The following MASP1 variants were observed in gnomAD, a reference collection of about 807,000 sequenced individuals.
MASP1 encodes MBL associated serine protease 1.
Under a neutral mutation model 77.1 loss-of-function variants are expected in MASP1, and 59 were observed. That is an observed-to-expected ratio of 0.77 (90% confidence interval 0.62 to 0.95). MASP1 has a LOEUF of 0.95. Among genes scored for constraint, MASP1 ranks in the 40% least tolerant of loss-of-function variants. The pLI is 0.00. For missense variants in MASP1, 885 were observed against 912.9 expected (o/e 0.97, Z 0.39); for synonymous variants, 362 against 354.5 (o/e 1.02, Z -0.24).
chr3:187,277,936 T>C (rs1426940034), intron 2 of MASP1, among the ~76,000 whole-genome samples: 1 of 152,200 alleles, frequency 6.6e-6, no homozygotes, highest in Non-Finnish European at 1.5e-5. Flanking sequence ...AGGTCATACA[T>C]AGGCAGTCAG....
exon 16 of MASP1, chr3:187,219,217 A>C (rs892662062): frequency 6.6e-6 from 1 of 152,180 alleles, no homozygotes; most frequent in African/African-American, 2.4e-5. Context: ...TCATCTTATC[A>C]GGGGGAAAAT....
chr3:187,249,778 C>T (rs768461057), intron 8 of MASP1, among the ~76,000 whole-genome samples: 15 of 152,230 alleles, frequency 9.9e-5, no homozygotes, highest in Non-Finnish European at 1.5e-4. Flanking sequence ...TCCTCTGCTT[C>T]ATGCAGGCCC....
At chr3:187,265,812 CCAAA>C (rs1328942524) in intron 2 of MASP1, among the ~76,000 whole-genome samples, 1 of 152,152 alleles carries the variant, frequency 6.6e-6, no homozygotes, top group Admixed American at 6.5e-5. Flanking sequence ...AGACACTTGG[CCAAA>C]CAATTTTCCT....
At position 187,262,548 on chromosome 3, in the gene MASP1, G is replaced by A; in HGVS notation, c.410C>T (p.Ala137Val). 1 of 1,614,042 alleles carries A rather than the reference G, an allele frequency of 6.2e-7. No individual in the cohort carries two copies. The highest frequency in any genetic ancestry group is 8.5e-7 in the Non-Finnish European group (1 of 1,179,976). Residue 137 changes from alanine to valine, a missense_variant, in exon 3 of 11, where the codon GCT becomes GTT. Physicochemically the swap from Ala to Val is moderately conservative, Grantham distance 64. Transcript: ENST00000296280. The part of the protein sequence containing the change: ...RFTGFDAHYM[A>V]VDVDECKERE... ...GAGTCACTTCTCCAACTTACCCACA[G>A]CCATGTAGTGGGCATCAAAGCCTGT...
At chr3:187,237,958 G>A (rs1713314512) in intron 10 of MASP1, among the ~76,000 whole-genome samples, 1 of 152,058 alleles carries the variant, frequency 6.6e-6, no homozygotes, top group Non-Finnish European at 1.5e-5. Context: ...TTGATCCTGG[G>A]GCACCCTGCC....
At chr3:187,247,862 TTCTC>T (rs1379022543) in intron 8 of MASP1, among the ~76,000 whole-genome samples, 1 of 152,212 alleles carries the variant, frequency 6.6e-6, no homozygotes, top group Non-Finnish European at 1.5e-5. Context: ...CCCCAGCCCT[TTCTC>T]TATCACTGTT....
chr3:187,256,955 A>G, intron 4 of MASP1, 95 bp from the exon 5 acceptor site: 1 of 1,038,274 alleles, frequency 9.6e-7, no homozygotes. Context: ...AATGGTCCCA[A>G]GCAGTAGACA....
At chr3:187,266,298 C>T (rs141080117) in intron 2 of MASP1, among the ~76,000 whole-genome samples, 2,885 of 152,184 alleles carry the variant, frequency 0.019, 42 homozygotes, top group Non-Finnish European at 0.027. Flanking sequence ...GTGAAGGGTG[C>T]CAAAAATTAT....
chr3:187,281,332 A>G lies in MASP1; in HGVS notation c.237+4493T>C, dbSNP rs552812819. 9.8e-5 allele frequency among the ~76,000 whole-genome samples: 10 copies of G among 102,232 alleles called. No homozygotes were observed. The East Asian group carries it at 2.5e-3, about 25-fold the overall frequency. The allele number at this position is 102,232 out of a possible 152,430, so 67.1% of individuals were successfully genotyped here. The stretch of plus-strand genomic sequence containing the variant: ...GAGCAGTTCCATCATCATCGCCCCT[A>G]TGGGCCTGGGTGGGAAGGGCAGCTT... On this transcript the variant is annotated intron_variant, in intron 2 of 10. Transcript: ENST00000296280.
intron 2 of MASP1, among the ~76,000 whole-genome samples, chr3:187,273,596 G>A (rs1020731312): frequency 3.9e-5 from 6 of 152,254 alleles, no homozygotes; most frequent in South Asian, 2.1e-4. Flanking sequence ...TCACCTTCAC[G>A]GAAAGTCCAT....
At position 187,225,611 on chromosome 3, in the gene MASP1, C is replaced by T. The variant is rs150834700; in HGVS notation, c.1556-102G>A. 18 of 1,207,704 alleles carry T rather than the reference C, an allele frequency of 1.5e-5. No individual in the cohort carries two copies. In the African/African-American group the frequency reaches 2.7e-4, roughly 18 times the overall value. The allele number at this position is 1,207,704 out of a possible 1,614,324, so 74.8% of individuals were successfully genotyped here. A position where few individuals can be genotyped will look rare whatever the true frequency, so the allele number is the denominator to read the frequency against. On this transcript the variant is annotated intron_variant, in intron 12 of 15. Transcript: ENST00000337774. ...CCCAGCCCCATCCAGCCCTTGCTTCCAGCCTTAGCCCTTTCACTGCCTTCA... is the reference window on the plus strand; with the variant it reads ...CCCAGCCCCATCCAGCCCTTGCTTCTAGCCTTAGCCCTTTCACTGCCTTCA...
At position 187,228,211 on chromosome 3, in the gene MASP1, C is replaced by T. The variant is rs552904340; in HGVS notation, c.1441+1549G>A. Among the ~76,000 whole-genome samples the T allele has an allele frequency of 1.1e-4, 17 of 150,440 alleles. No individual in the cohort carries two copies. In the South Asian group the frequency reaches 3.2e-3, roughly 28 times the overall value. ...CTGAGGCAGGAGAATGGCTTGAACC[C>T]GAGAGGCGGAGGTTGCAGTGAGCCG... is the stretch of plus-strand genomic sequence containing the variant. On this transcript the variant is annotated intron_variant, in intron 11 of 15. Transcript: ENST00000337774.
chr3:187,221,868 T>C (rs1712081592), intron 14 of MASP1, among the ~76,000 whole-genome samples: 1 of 152,212 alleles, frequency 6.6e-6, no homozygotes, highest in East Asian at 1.9e-4. Context: ...AATAAGGCAT[T>C]GTGACTATTA....
intron 8 of MASP1, among the ~76,000 whole-genome samples, chr3:187,248,067 A>G (rs1043257581): frequency 1.3e-5 from 2 of 152,212 alleles, no homozygotes; most frequent in African/African-American, 4.8e-5. Context: ...CCTCGTACAG[A>G]GAGATGCTCA....
chr3:187,236,418 C>A lies in MASP1; in HGVS notation c.1453G>T (p.Ala485Ser). The A allele has an allele frequency of 6.2e-7, 1 of 1,614,222 alleles. No individual in the cohort carries two copies. Among genetic ancestry groups the A allele is most frequent in the Non-Finnish European group, 8.5e-7 (1 of 1,180,044 alleles). ...VPNDKWFGSG[A>S]LLSASWILTA... is the part of the protein sequence containing the mutation. The stretch of plus-strand genomic sequence containing the variant: ...AGGATCCAGGACGCAGAGAGCAGGG[C>A]CCCACTCCCAAACCACTTGTCATTT... The change falls in exon 11 of 11, where the codon GCC (alanine) becomes TCC (serine). Residue 485 changes from alanine to serine, a missense_variant. Physicochemically the swap from Ala to Ser is moderately conservative, Grantham distance 99 (BLOSUM62 1). Coordinates refer to ENST00000296280, the MANE Select transcript of MASP1 (RefSeq NM_139125.4).
downstream of MASP1, among the ~76,000 whole-genome samples, chr3:187,232,040 G>A (rs1254922657): frequency 6.6e-6 from 1 of 152,110 alleles, no homozygotes; most frequent in Non-Finnish European, 1.5e-5. Context: ...CTCACACATG[G>A]AGCCTCCTGC....
At chr3:187,229,916 G>A, downstream of MASP1, 1 of 1,613,986 alleles carries the variant, frequency 6.2e-7, no homozygotes, top group South Asian at 1.1e-5. Context: ...AAGGGAGGGA[G>A]GGAGAGACAG....
rs1325074171 is a variant in MASP1, at chr3:187,250,298, T to C, written c.1043A>G (p.Glu348Gly). The change falls in exon 8 of 11, where the codon GAG becomes GGG. Residue 348 changes from glutamate to glycine, a missense_variant. Coordinates refer to ENST00000296280, the MANE Select transcript of MASP1 (RefSeq NM_139125.4). ...ACTCCACGTCCCATCCTTCAGACACTCAATCTGGAATGTGTCCATCTCCAC... is the reference window on the plus strand; with the variant it reads ...ACTCCACGTCCCATCCTTCAGACACCCAATCTGGAATGTGTCCATCTCCAC... The part of the protein sequence containing the change: ...DNVEMDTFQI[E>G]CLKDGTWSNK... 1 of 1,613,850 alleles carries C rather than the reference T, an allele frequency of 6.2e-7. No homozygotes were observed.
intron 3 of MASP1, among the ~76,000 whole-genome samples, chr3:187,262,073 A>C (rs1715625052): frequency 6.6e-6 from 1 of 152,200 alleles, no homozygotes; most frequent in Admixed American, 6.5e-5. Flanking sequence ...CTCTAAGGGA[A>C]GTGGGAGCAG....
Sources: allele counts gnomAD v4.1 joint callset (sites outside exome capture counted in the v4.1 genomes callset), GRCh38; gene constraint gnomAD v4.1.1; transcripts MANE v1.5; gene names NCBI Gene and HGNC (gene_info 2026-07-23, HGNC 2026-07-21).